HNF4A: variants seen among roughly 807,000 people sequenced by gnomAD.
HNF4A encodes the protein hepatocyte nuclear factor 4-alpha.
Under a neutral mutation model 52.4 loss-of-function variants are expected in HNF4A, and 15 were observed. That is an observed-to-expected ratio of 0.29 (90% CI 0.19 to 0.44). The LOEUF (loss-of-function observed/expected upper bound fraction) is 0.44. Among genes scored for constraint, HNF4A ranks in the 20% least tolerant of loss-of-function variants. The pLI is 1.00. For synonymous variants in HNF4A, 280 were observed against 264.4 expected, an observed-to-expected ratio of 1.06 and a Z score of -0.57; for missense variants, 479 against 647.2, an observed-to-expected ratio of 0.74 and a Z score of 2.82.
intron 1 of HNF4A, among the ~76,000 whole-genome samples, chr20:44,376,080 A>G (rs568768061): frequency 6.6e-6 from 1 of 151,972 alleles, no homozygotes; most frequent in South Asian, 2.1e-4. Flanking sequence ...CTCTGTCTCT[A>G]CTAAAAATAC....
intron 1 of HNF4A, among the ~76,000 whole-genome samples, chr20:44,378,113 T>A (rs1208428945): frequency 6.6e-6 from 1 of 152,208 alleles, no homozygotes; most frequent in African/African-American, 2.4e-5. Context: ...ACATTTCCTC[T>A]ATTACTAGAG....
chr20:44,379,068 G>T (rs1230798004), intron 1 of HNF4A, among the ~76,000 whole-genome samples: 1 of 152,100 alleles, frequency 6.6e-6, no homozygotes, highest in Non-Finnish European at 1.5e-5. Flanking sequence ...TTTGTGACTA[G>T]CTTTTCCCCT....
intron 8 of HNF4A, among the ~76,000 whole-genome samples, chr20:44,426,020 T>A (rs6031595): frequency 0.41 from 62,479 of 151,888 alleles, 14,489 homozygotes; most frequent in Middle Eastern, 0.57. Flanking sequence ...TCAAGGAGGC[T>A]GTTGAATGTA....
At chr20:44,403,003 G>A (rs1021601533) in intron 1 of HNF4A, among the ~76,000 whole-genome samples, 8 of 152,212 alleles carry the variant, frequency 5.3e-5, no homozygotes. Flanking sequence ...CCTGCTGGCT[G>A]GACGGCTTTT....
chr20:44,358,258 AAAAAG>A (rs1303022504), intron 1 of HNF4A, among the ~76,000 whole-genome samples: 1 of 148,406 alleles, frequency 6.7e-6, no homozygotes, highest in African/African-American at 2.5e-5. Context: ...GAAAAAAAAA[AAAAAG>A]AAAAGAAAAA....
In HNF4A at chr20:44,416,146, C is replaced by A. The variant is rs552780177; in HGVS notation, c.648+1484C>A. Reference sequence around the variant, plus strand: ...CCACCCCGACCTCCCGGCCCACCCCCCAGAACAGCTGCCATATCAGGGGGT... The same window carrying A: ...CCACCCCGACCTCCCGGCCCACCCCACAGAACAGCTGCCATATCAGGGGGT... On this transcript the variant is annotated intron_variant, in intron 5 of 9. Coordinates refer to ENST00000316099, the MANE Select transcript of HNF4A (RefSeq NM_000457.6). 2.4e-4 allele frequency among the ~76,000 whole-genome samples: 36 copies of A among 152,292 alleles called. 1 individual carries two copies. Among genetic ancestry groups the A allele is most frequent in the South Asian group, 1.2e-3 (6 of 4,824 alleles).
intron 3 of HNF4A, among the ~76,000 whole-genome samples, chr20:44,413,026 C>T (rs1304720498): frequency 6.6e-6 from 1 of 152,150 alleles, no homozygotes; most frequent in African/African-American, 2.4e-5. Context: ...CATCCACTGT[C>T]GGGATGGTGG....
At chr20:44,427,518 C>T (rs151077057) in intron 8 of HNF4A, among the ~76,000 whole-genome samples, 17 of 152,278 alleles carry the variant, frequency 1.1e-4, no homozygotes, top group Middle Eastern at 3.4e-3. Flanking sequence ...CGCTTGCAAG[C>T]GTTGAAATTC....
intron 1 of HNF4A, among the ~76,000 whole-genome samples, chr20:44,367,839 A>G (rs1350561217): frequency 6.6e-6 from 1 of 151,936 alleles, no homozygotes; most frequent in Non-Finnish European, 1.5e-5. Context: ...TACTGTCATC[A>G]TACCCATTTC....
intron 1 of HNF4A, among the ~76,000 whole-genome samples, chr20:44,389,222 G>A (rs1325323156): frequency 3.3e-5 from 5 of 152,226 alleles, no homozygotes; most frequent in Non-Finnish European, 7.3e-5. Flanking sequence ...ACATCGCGCT[G>A]TGCGTCTTCA....
upstream of HNF4A, among the ~76,000 whole-genome samples, chr20:44,397,041 G>A (rs548785192): frequency 8.7e-4 from 133 of 152,318 alleles, no homozygotes; most frequent in Middle Eastern, 3.4e-3. Context: ...CTTGCCTTGT[G>A]CAGACAGCTG....
chr20:44,390,741 A>G (rs1600680069), intron 1 of HNF4A: 1 of 689,112 alleles, frequency 1.5e-6, no homozygotes, highest in East Asian at 2.7e-5. Flanking sequence ...AGAGACACAG[A>G]ACCAAGGGGG....
At chr20:44,421,469 A>C (rs2063743020) in intron 7 of HNF4A, among the ~76,000 whole-genome samples, 1 of 152,084 alleles carries the variant, frequency 6.6e-6, no homozygotes, top group Non-Finnish European at 1.5e-5. Context: ...ATAGTAATGA[A>C]AAGGCTGGGT....
intron 1 of HNF4A, among the ~76,000 whole-genome samples, chr20:44,365,799 G>A (rs932154111): frequency 6.6e-6 from 1 of 152,140 alleles, no homozygotes; most frequent in Admixed American, 6.6e-5. Flanking sequence ...TTGACCCCAG[G>A]AGTTCAAGAC....
At position 44,404,227 on chromosome 20, in the gene HNF4A, G is replaced by A. The variant is rs188835690; in HGVS notation, c.116-1831G>A. ...TCACATACACATATGAGAATTCACCGAATCCCCATAACGAACCTAGGGGAA... is the reference window on the plus strand; with the variant it reads ...TCACATACACATATGAGAATTCACCAAATCCCCATAACGAACCTAGGGGAA... On this transcript the variant is annotated intron_variant, in intron 1 of 9. Coordinates refer to ENST00000316099, the MANE Select transcript of HNF4A (RefSeq NM_000457.6). Among the ~76,000 whole-genome samples, 24 of 152,226 alleles carry A rather than the reference G, an allele frequency of 1.6e-4. No homozygotes were observed. The South Asian group carries it at 2.7e-3, about 17-fold the overall frequency.
chr20:44,368,878 A>G (rs566688501), intron 1 of HNF4A, among the ~76,000 whole-genome samples: 1 of 152,312 alleles, frequency 6.6e-6, no homozygotes, highest in South Asian at 2.1e-4. Context: ...CTAGCAAGTT[A>G]ACACATTACG....
intron 3 of HNF4A, chr20:44,408,123 A>G (rs146092727): frequency 1.9e-4 from 31 of 161,208 alleles, no homozygotes; most frequent in Non-Finnish European, 2.4e-4. Flanking sequence ...TCCACACTTC[A>G]GTAGGTTGGG....
At chr20:44,382,616 A>C (rs181644934) in intron 1 of HNF4A, among the ~76,000 whole-genome samples, 42 of 152,304 alleles carry the variant, frequency 2.8e-4, no homozygotes, top group African/African-American at 9.6e-4. Flanking sequence ...AAAACTAAAC[A>C]CAATTGTCCA....
In HNF4A at chr20:44,430,571, A is replaced by C. The variant is rs3212210; in HGVS notation, c.*906A>C. Reference sequence around the variant, plus strand: ...CAAAGAACAGCCTGAGCCAAGGCCTAGTGGTAGTAAGAATCTAGCAAGAAT... The same window carrying C: ...CAAAGAACAGCCTGAGCCAAGGCCTCGTGGTAGTAAGAATCTAGCAAGAAT... On this transcript the variant is annotated 3_prime_UTR_variant, in exon 10 of 10. Transcript: ENST00000316099. 0.63 allele frequency: 96,336 copies of C among 152,414 alleles called. 31,049 individuals are homozygous for C. The highest frequency in any genetic ancestry group is 0.74 in the Middle Eastern group (217 of 294). 9.4% of individuals were successfully genotyped at this position (152,414 alleles called of 1,614,324 possible).
Sources: allele counts gnomAD v4.1 joint callset (sites outside exome capture counted in the v4.1 genomes callset), GRCh38; gene constraint gnomAD v4.1.1; transcripts MANE v1.5; gene names NCBI Gene and HGNC (gene_info 2026-07-23, HGNC 2026-07-21).